Variants in AKAP11 observed in about 807,000 individuals in gnomAD.
AKAP11 encodes the protein A-kinase anchoring protein 11.
A neutral mutation model predicts 146.1 loss-of-function variants in AKAP11; 36 were observed. The observed-to-expected ratio is 0.25, with a 90% CI of 0.19 to 0.33. The LOEUF (loss-of-function observed/expected upper bound fraction) is 0.33, where lower values mean the gene tolerates loss of function less well. Ranked by LOEUF, AKAP11 falls within the 10% of genes least tolerant of loss-of-function variation. The pLI is 1.00. For missense variants in AKAP11, 2,201 were observed against 2,197.0 expected, an observed-to-expected ratio of 1.00 and a Z score of -0.04; for synonymous variants, 780 against 786.5, an observed-to-expected ratio of 0.99 and a Z score of 0.14.
Position 42,303,154 on chromosome 13 carries a change from A to G in AKAP11, c.4408A>G (p.Lys1470Glu). The G allele has an allele frequency of 1.2e-6, 2 of 1,614,206 alleles. No individual in the cohort carries two copies. Among genetic ancestry groups the G allele is most frequent in the East Asian group, 2.2e-5 (1 of 44,886 alleles). Reference sequence around the variant, plus strand: ...GGTTCACAGCATAACAAAAGATGCTAAGGAAGAGTTGACAGCCTCTCTAGT... The same window carrying G: ...GGTTCACAGCATAACAAAAGATGCTGAGGAAGAGTTGACAGCCTCTCTAGT... ...SLVHSITKDA[K>E]EELTASLVGL... The change falls in exon 8 of 13, where the codon AAG becomes GAG. Residue 1470 changes from lysine (K) to glutamate (E), a missense_variant. Transcript: ENST00000025301.
At chr13:42,304,815 A>G (rs935607045) in intron 8 of AKAP11, among the ~76,000 whole-genome samples, 15 of 151,938 alleles carry the variant, frequency 9.9e-5, no homozygotes, top group African/African-American at 3.1e-4. Flanking sequence ...CAGTGGCACA[A>G]TCTCAGCTCA....
chr13:42,273,558 A>G (rs956722432), intron 1 of AKAP11, among the ~76,000 whole-genome samples: 1 of 152,118 alleles, frequency 6.6e-6, no homozygotes, highest in South Asian at 2.1e-4. Flanking sequence ...TGAGCTAGAG[A>G]CTAATGTATG....
chr13:42,290,186 T>C (rs916175570), intron 3 of AKAP11, among the ~76,000 whole-genome samples: 17 of 152,226 alleles, frequency 1.1e-4, no homozygotes, highest in Non-Finnish European at 2.5e-4. Flanking sequence ...TCTAAATTCT[T>C]TTCTCATGCA....
rs116172152 is a variant in AKAP11 at position 42,287,714 on chromosome 13, T to C, written c.51+1315T>C. 9.7e-3 allele frequency among the ~76,000 whole-genome samples: 1,477 copies of C among 152,356 alleles called. 17 individuals carry two copies. Among genetic ancestry groups the C allele is most frequent in the African/African-American group, 0.032 (1,341 of 41,586 alleles). On this transcript the variant is annotated intron_variant, in intron 3 of 12. Coordinates refer to ENST00000025301, the MANE Select transcript of AKAP11 (RefSeq NM_016248.4). ...TGTTTCTACTCTTTGTAAACTATAG[T>C]GTATTTATTATACTTTTTCAGATTA...
chr13:42,299,908 G>A lies in AKAP11; in HGVS notation c.1162G>A (p.Gly388Arg). 1.2e-6 allele frequency: 2 copies of A among 1,613,910 alleles called. No individual in the cohort carries two copies. Among genetic ancestry groups the A allele is most frequent in the Non-Finnish European group, 1.7e-6 (2 of 1,179,872 alleles). The stretch of plus-strand genomic sequence containing the variant: ...CATAGGGAAGTCATCGCAGAGGAAA[G>A]GGCACAAACATGGAAAGTCATGTAT... ...PVIGKSSQRK[G>R]HKHGKSCMNP... Residue 388 changes from glycine to arginine, a missense_variant, in exon 8 of 13, where the codon GGG (glycine) becomes AGG (arginine). By Grantham distance (125) the Gly-to-Arg change is moderately radical (BLOSUM62 -2). Transcript: ENST00000025301.
At chr13:42,298,433 T>G (rs1959637214) in intron 6 of AKAP11, 100 bp from the exon 7 acceptor site, 1 of 1,291,162 alleles carries the variant, frequency 7.7e-7, no homozygotes, top group Non-Finnish European at 1.1e-6. Flanking sequence ...GAATTTCTTG[T>G]TTGTTTTTTT....
chr13:42,279,254 C>T (rs540199938), intron 1 of AKAP11, among the ~76,000 whole-genome samples: 3 of 134,608 alleles, frequency 2.2e-5, no homozygotes, highest in Non-Finnish European at 4.9e-5. Flanking sequence ...AGTGCACGCA[C>T]GTGCACACCC....
At chr13:42,277,565 CTGTT>C (rs995713828) in intron 1 of AKAP11, among the ~76,000 whole-genome samples, 2 of 152,282 alleles carry the variant, frequency 1.3e-5, no homozygotes, top group East Asian at 1.9e-4. Context: ...TTCTCTGTGA[CTGTT>C]TGGGAAAACA....
rs1271206993 is a variant in AKAP11, at chr13:42,299,581, A to G, written c.835A>G (p.Arg279Gly). The change falls in exon 8 of 13, where the codon AGG (arginine) becomes GGG (glycine). Residue 279 changes from arginine to glycine, a missense_variant. This residue lies in a region of AKAP11 where 331 missense variants were observed against 347.4 expected (regional missense o/e 0.95). Coordinates refer to ENST00000025301, the MANE Select transcript of AKAP11 (RefSeq NM_016248.4). ...ATCAATTTCAGAGCCTTGGACCCAAAGGAGTTTCTATAGGTCATCTAATGC... is the reference window on the plus strand; with the variant it reads ...ATCAATTTCAGAGCCTTGGACCCAAGGGAGTTTCTATAGGTCATCTAATGC... ...TTSISEPWTQ[R>G]SFYRSSNASD... 3.3e-5 allele frequency: 53 copies of G among 1,613,856 alleles called. No individual in the cohort carries two copies. Among genetic ancestry groups the G allele is most frequent in the Non-Finnish European group, 4.4e-5 (52 of 1,179,876 alleles).
chr13:42,289,153 T>C (rs1294627259), intron 3 of AKAP11, among the ~76,000 whole-genome samples: 2 of 152,212 alleles, frequency 1.3e-5, no homozygotes, highest in Non-Finnish European at 2.9e-5. Context: ...GCTTACTCTT[T>C]CCTGAATTCA....
rs1468427280 is a variant in AKAP11 at position 42,321,449 on chromosome 13, A to G, written c.*2221A>G. 3 of 152,236 alleles carry G rather than the reference A, an allele frequency of 2.0e-5. No individual in the cohort carries two copies. Among genetic ancestry groups the G allele is most frequent in the African/African-American group, 7.3e-5 (3 of 41,348 alleles). 9.4% of individuals were successfully genotyped at this position (152,236 alleles called of 1,614,324 possible). On this transcript the variant is annotated 3_prime_UTR_variant, in exon 13 of 13. Coordinates refer to ENST00000025301, the MANE Select transcript of AKAP11 (RefSeq NM_016248.4). ...GCATGTGTGGTAATAATAATAGTGG[A>G]ACTTCACACTTACATCAATTCAGTG...
rs1290888823 is a variant in AKAP11, at chr13:42,302,491, T to G, written c.3745T>G (p.Ser1249Ala). 1 of 1,614,134 alleles carries G rather than the reference T, an allele frequency of 6.2e-7. No homozygotes were observed. Among genetic ancestry groups the G allele is most frequent in the East Asian group, 2.2e-5 (1 of 44,884 alleles). Reference sequence around the variant, plus strand: ...TGTGTCGCCTACTTTTTTAAACCCCTCAGACGAAAATTTGAAAACATTATG... The same window carrying G: ...TGTGTCGCCTACTTTTTTAAACCCCGCAGACGAAAATTTGAAAACATTATG... ...RSVSPTFLNP[S>A]DENLKTLCNF... is the part of the protein sequence containing the mutation. Residue 1249 changes from serine (S) to alanine (A), a missense_variant, in exon 8 of 13, where the codon TCA becomes GCA. Physicochemically the swap from Ser to Ala is moderately conservative, Grantham distance 99. Transcript: ENST00000025301.
At chr13:42,311,474 G>A (rs1960561274) in intron 9 of AKAP11, among the ~76,000 whole-genome samples, 1 of 152,164 alleles carries the variant, frequency 6.6e-6, no homozygotes, top group South Asian at 2.1e-4. Flanking sequence ...AATGTATACA[G>A]TCACCTAGTT....
intron 8 of AKAP11, among the ~76,000 whole-genome samples, chr13:42,306,274 C>G (rs1375771265): frequency 6.6e-6 from 1 of 152,136 alleles, no homozygotes; most frequent in Admixed American, 6.6e-5. Flanking sequence ...CAGGTTGCTT[C>G]AGGCTATTTT....
Position 42,301,407 on chromosome 13 carries a change from T to G in AKAP11, c.2661T>G (p.Thr887=), listed in dbSNP as rs371334449. ...TGGTGCATACGATAGTAAATGAAAC[T>G]TTAGAGTCAATGACATCATTGGAAG... The part of the protein sequence containing the change: ...AAVVHTIVNE[T]LESMTSLEVT... Residue 887 remains threonine, a synonymous_variant, in exon 8 of 13, where the codon ACT becomes ACG. Coordinates refer to ENST00000025301, the MANE Select transcript of AKAP11 (RefSeq NM_016248.4). 1 of 1,613,636 alleles carries G rather than the reference T, an allele frequency of 6.2e-7. No individual in the cohort carries two copies. Among genetic ancestry groups the G allele is most frequent in the Non-Finnish European group, 8.5e-7 (1 of 1,179,860 alleles).
At chr13:42,272,703 C>T (rs1014039149) in intron 1 of AKAP11, among the ~76,000 whole-genome samples, 18 of 152,140 alleles carry the variant, frequency 1.2e-4, no homozygotes, top group African/African-American at 4.3e-4. Context: ...ACCCCCGGAG[C>T]CTTGGAAGCA....
intron 3 of AKAP11, among the ~76,000 whole-genome samples, chr13:42,288,489 T>G (rs1250270572): frequency 6.6e-6 from 1 of 152,226 alleles, no homozygotes; most frequent in African/African-American, 2.4e-5. Flanking sequence ...CACTTCAGCA[T>G]GCTTCTCCCA....
At chr13:42,273,592 C>T (rs118050569) in intron 1 of AKAP11, among the ~76,000 whole-genome samples, 1 of 152,064 alleles carries the variant, frequency 6.6e-6, no homozygotes. Flanking sequence ...GCAGTATCGA[C>T]AATATTGATA....
Position 42,295,157 on chromosome 13 carries a change from A to T in AKAP11, c.169-538A>T, listed in dbSNP as rs1959431369. Among the ~76,000 whole-genome samples, 2 of 152,198 alleles carry T rather than the reference A, an allele frequency of 1.3e-5. 1 individual carries two copies. The highest frequency in any genetic ancestry group is 4.1e-4 in the South Asian group (2 of 4,832). On this transcript the variant is annotated intron_variant, in intron 4 of 12. Transcript: ENST00000025301. ...TGACACTTGCATCGAAACTTGAAGA[A>T]TGAGAAGCCAGGCATGTAACCATCC... is the stretch of plus-strand genomic sequence containing the variant.
Sources: gnomAD v4.1 joint callset for allele counts (sites outside exome capture counted in the v4.1 genomes callset) on GRCh38, gnomAD v4.1.1 for gene constraint, gnomAD v4.1.1 regional missense constraint, MANE v1.5 for transcripts, NCBI Gene and HGNC (gene_info 2026-07-23, HGNC 2026-07-21) for gene names.